PPARG: variants seen among roughly 807,000 people sequenced by gnomAD.
The protein encoded by PPARG is peroxisome proliferator-activated receptor gamma.
Under a neutral mutation model 39.2 loss-of-function variants are expected in PPARG, and 17 were observed. The observed-to-expected ratio is 0.43, with a 90% confidence interval of 0.30 to 0.65. PPARG has a LOEUF of 0.65. Among genes scored for constraint, PPARG ranks in the 30% least tolerant of loss-of-function variants. The probability of loss-of-function intolerance (pLI) is 0.13; values close to 1 mark genes in which losing one functional copy is unlikely to be tolerated. For synonymous variants in PPARG, 223 were observed against 215.7 expected, an observed-to-expected ratio of 1.03 and a Z score of -0.30; for missense variants, 406 against 585.9, an observed-to-expected ratio of 0.69 and a Z score of 3.17.
intron 6 of PPARG, chr3:12,406,816 T>C (rs1439401323): frequency 6.6e-6 from 1 of 152,206 alleles, no homozygotes; most frequent in African/African-American, 2.4e-5. Flanking sequence ...AGATATTATG[T>C]TACCTTTCTT....
intron 2 of PPARG, among the ~76,000 whole-genome samples, chr3:12,355,999 C>T (rs1223747639): frequency 1.3e-5 from 2 of 152,160 alleles, no homozygotes; most frequent in Non-Finnish European, 2.9e-5. Context: ...TTCCTTGAGA[C>T]AGAGGAAATC....
chr3:12,329,046 A>G (rs1325714071), intron 2 of PPARG, among the ~76,000 whole-genome samples: 1 of 152,140 alleles, frequency 6.6e-6, no homozygotes, highest in Admixed American at 6.6e-5. Flanking sequence ...ATCCCAGCCC[A>G]GGTGGGCCAA....
intron 2 of PPARG, among the ~76,000 whole-genome samples, chr3:12,326,833 C>T (rs2125036954): frequency 6.6e-6 from 1 of 152,152 alleles, no homozygotes; most frequent in African/African-American, 2.4e-5. Context: ...CGGGCGTGTT[C>T]AGGGTGGTAC....
chr3:12,408,956 C>T (rs920380117), intron 6 of PPARG, among the ~76,000 whole-genome samples: 2 of 152,214 alleles, frequency 1.3e-5, no homozygotes, highest in South Asian at 2.1e-4. Flanking sequence ...GACTCCTTGG[C>T]TCTAAATCTT....
At chr3:12,294,302 C>G (rs2046723479) in intron 1 of PPARG, among the ~76,000 whole-genome samples, 1 of 152,064 alleles carries the variant, frequency 6.6e-6, no homozygotes, top group Non-Finnish European at 1.5e-5. Flanking sequence ...CATTTTTGAC[C>G]TCAAAACAGT....
At chr3:12,420,483 A>G in intron 7 of PPARG, among the ~76,000 whole-genome samples, 1 of 152,226 alleles carries the variant, frequency 6.6e-6, no homozygotes, top group East Asian at 1.9e-4. Flanking sequence ...TGGTGGTTTC[A>G]GAAAGAAGTG....
At position 12,296,185 on chromosome 3, in the gene PPARG, G is replaced by C. The variant is rs1481232697; in HGVS notation, c.-83+7051G>C. 2.8e-5 allele frequency among the ~76,000 whole-genome samples: 4 copies of C among 144,140 alleles called. No homozygotes were observed. In the Admixed American group the frequency reaches 3.0e-4, roughly 11 times the overall value. 94.6% of individuals were successfully genotyped at this position (144,140 alleles called of 152,430 possible). A position where few individuals can be genotyped will look rare whatever the true frequency, so the allele number is the denominator to read the frequency against. ...GAGAATCACTTGAACCCGGTAGGTG[G>C]AGGTTGCAGTGAGCCGAGAAGATTG... is the stretch of plus-strand genomic sequence containing the variant. On this transcript the variant is annotated intron_variant, in intron 1 of 7. Transcript: ENST00000651735.
chr3:12,397,511 C>A lies in PPARG; in HGVS notation c.529+4759C>A, dbSNP rs4135338. On this transcript the variant is annotated intron_variant, in intron 5 of 7. Coordinates refer to ENST00000651735, the MANE Select transcript of PPARG (RefSeq NM_138711.6). ...CTGCAAGCTCCACCTCCCGGATTCA[C>A]ACCATTCTCCTGCCTCACCCTCCTG... 3.2e-3 allele frequency among the ~76,000 whole-genome samples: 481 copies of A among 151,330 alleles called. 2 individuals carry two copies. Among genetic ancestry groups the A allele is most frequent in the African/African-American group, 0.011 (456 of 41,282 alleles).
chr3:12,314,222 A>T (rs2047327542), intron 2 of PPARG, among the ~76,000 whole-genome samples: 1 of 152,208 alleles, frequency 6.6e-6, no homozygotes, highest in Admixed American at 6.5e-5. Flanking sequence ...GGTTGCAGTG[A>T]GCTGAGATCG....
chr3:12,328,235 G>T, intron 2 of PPARG: 1 of 1,534,506 alleles, frequency 6.5e-7, no homozygotes, highest in Non-Finnish European at 8.9e-7. Context: ...AGGAAGCTGA[G>T]AACAACATCC....
intron 7 of PPARG, among the ~76,000 whole-genome samples, chr3:12,424,693 A>G (rs946139578): frequency 1.3e-5 from 2 of 152,120 alleles, no homozygotes; most frequent in Non-Finnish European, 2.9e-5. Flanking sequence ...GTCCTGGAGA[A>G]ATCTTCGGAG....
chr3:12,378,058 C>T (rs551836428), intron 2 of PPARG, among the ~76,000 whole-genome samples: 3 of 152,218 alleles, frequency 2.0e-5, no homozygotes, highest in African/African-American at 7.2e-5. Context: ...CAAATCAAAA[C>T]CACGGTGAGA....
At chr3:12,426,097 A>T (rs1328581691) in intron 7 of PPARG, among the ~76,000 whole-genome samples, 1 of 152,184 alleles carries the variant, frequency 6.6e-6, no homozygotes, top group Admixed American at 6.5e-5. Context: ...TGTAATCGCT[A>T]TTTAATGGGC....
chr3:12,344,668 A>T (rs1431168527), intron 2 of PPARG: 4 of 152,194 alleles, frequency 2.6e-5, no homozygotes, highest in Non-Finnish European at 5.9e-5. Context: ...AAGCGTATTT[A>T]TGTAGCTCCT....
Position 12,329,166 on chromosome 3 carries a change from C to CA in PPARG, c.-9+16730dup, listed in dbSNP as rs35196430. On this transcript the variant is annotated intron_variant, in intron 2 of 7. Coordinates refer to ENST00000651735, the MANE Select transcript of PPARG (RefSeq NM_138711.6). ...ACAAGGACAATAAATACTCAAAATGCAAAAAAAAAAAAAAAAACCTACTGC... is the reference window on the plus strand; with the variant it reads ...ACAAGGACAATAAATACTCAAAATGCAAAAAAAAAAAAAAAAAACCTACTGC... Among the ~76,000 whole-genome samples the CA allele has an allele frequency of 2.2e-3, 275 of 125,378 alleles. 2 individuals carry two copies. Among genetic ancestry groups the CA allele is most frequent in the East Asian group, 6.2e-3 (27 of 4,336 alleles). The allele number at this position is 125,378 out of a possible 152,430, so 82.3% of individuals were successfully genotyped here. A position where few individuals can be genotyped will look rare whatever the true frequency, so the allele number is the denominator to read the frequency against.
At chr3:12,431,206 T>C (rs1487397779) in intron 7 of PPARG, among the ~76,000 whole-genome samples, 1 of 152,104 alleles carries the variant, frequency 6.6e-6, no homozygotes. Flanking sequence ...ACTTAGAGAT[T>C]AGAAAACAAA....
chr3:12,405,752 G>A lies in PPARG; in HGVS notation c.530-130G>A. ...AAAAACATGAGCAAAGTGGTAGACA[G>A]AAACCAGGACTCAAGAGCAGTGGAG... On this transcript the variant is annotated intron_variant, in intron 5 of 7. Transcript: ENST00000651735. The A allele has an allele frequency of 3.3e-6, 3 of 905,070 alleles. No homozygotes were observed. In the South Asian group the frequency reaches 4.2e-5, roughly 13 times the overall value. 56.1% of individuals were successfully genotyped at this position (905,070 alleles called of 1,614,324 possible). A position where few individuals can be genotyped will look rare whatever the true frequency, so the allele number is the denominator to read the frequency against.
At chr3:12,399,447 CGTG>C (rs749459726) in intron 5 of PPARG, 44 of 454,638 alleles carry the variant, frequency 9.7e-5, no homozygotes, top group Non-Finnish European at 1.7e-4. Flanking sequence ...GTGAGCCAAG[CGTG>C]GTGGTGCATG....
intron 4 of PPARG, among the ~76,000 whole-genome samples, chr3:12,392,341 A>G (rs577512313): frequency 3.9e-5 from 6 of 152,204 alleles, no homozygotes; most frequent in Non-Finnish European, 8.8e-5. Context: ...GCCGAAAACC[A>G]AATGTAGAGC....
Sources: gnomAD v4.1 joint callset for allele counts (sites outside exome capture counted in the v4.1 genomes callset) on GRCh38, gnomAD v4.1.1 for gene constraint, MANE v1.5 for transcripts, NCBI Gene and HGNC (gene_info 2026-07-23, HGNC 2026-07-21) for gene names.